The following P3H1 variants were observed in gnomAD, a reference collection of about 807,000 sequenced individuals.
The protein encoded by P3H1 is prolyl 3-hydroxylase 1, also known as growth suppressor 1.
Under a neutral mutation model 84.0 loss-of-function variants are expected in P3H1, and 69 were observed. That is an observed-to-expected ratio of 0.82 (90% CI 0.68 to 1.00). The LOEUF (loss-of-function observed/expected upper bound fraction) is 1.00, where lower values mean the gene tolerates loss of function less well. Among genes scored for constraint, P3H1 ranks in the 50% least tolerant of loss-of-function variants. The pLI, the probability that P3H1 is intolerant of heterozygous loss-of-function variation, is 0.00. For missense variants in P3H1, 878 were observed against 962.8 expected, an observed-to-expected ratio of 0.91 and a Z score of 1.17; for synonymous variants, 366 against 388.8, an observed-to-expected ratio of 0.94 and a Z score of 0.69.
Position 42,748,234 on chromosome 1 carries a change from T to G in P3H1, c.1804A>C (p.Lys602Gln), listed in dbSNP as rs1444916939. The G allele has an allele frequency of 6.2e-7, 1 of 1,613,838 alleles. No homozygotes were observed. Among genetic ancestry groups the G allele is most frequent in the African/African-American group, 1.3e-5 (1 of 74,894 alleles). ...ILNAETLVCV[K>Q]EPPAYTFRDY... is the part of the protein sequence containing the mutation. ...CGGAAGGTGTAGGCTGGGGGCTCTT[T>G]GACACACACGAGGGTCTCGGCATTC... Residue 602 changes from lysine (K) to glutamine (Q), a missense_variant, in exon 12 of 15, where the codon AAA becomes CAA. Coordinates refer to ENST00000296388, the MANE Select transcript of P3H1 (RefSeq NM_022356.4).
At chr1:42,755,454 T>C in intron 6 of P3H1, 94 bp downstream of exon 6, 1 of 1,204,260 alleles carries the variant, frequency 8.3e-7, no homozygotes, top group Non-Finnish European at 1.2e-6. Context: ...CCAGCAAGTT[T>C]TCTCTCAGAA....
intron 10 of P3H1, chr1:42,751,569 A>AAAT (rs1213242292): frequency 2.2e-5 from 2 of 90,018 alleles, no homozygotes; most frequent in African/African-American, 6.1e-5. Context: ...GATCAATAAA[A>AAAT]AAAAAATAAA....
At chr1:42,751,378 G>C (rs1325484846) in intron 10 of P3H1, among the ~76,000 whole-genome samples, 8 of 109,086 alleles carry the variant, frequency 7.3e-5, no homozygotes, top group Non-Finnish European at 1.3e-4. Context: ...CAGCATGCTC[G>C]TTAAGAGTCA....
chr1:42,752,147 A>T, intron 10 of P3H1, 127 bp downstream of exon 10: 1 of 799,478 alleles, frequency 1.3e-6, no homozygotes, highest in Non-Finnish European at 2.2e-6. Flanking sequence ...CTTCCTGGCA[A>T]CAAGAATGTT....
chr1:42,750,656 G>T (rs1300382334), intron 10 of P3H1, among the ~76,000 whole-genome samples: 1,554 of 122,794 alleles, frequency 0.013, 375 homozygotes, highest in Non-Finnish European at 0.016. Flanking sequence ...AGGCCGGGGG[G>T]GGTGGTCGGC....
At chr1:42,750,834 T>G (rs1391381271) in intron 10 of P3H1, among the ~76,000 whole-genome samples, 1 of 137,464 alleles carries the variant, frequency 7.3e-6, no homozygotes, top group Non-Finnish European at 1.6e-5. Context: ...GTCAGCCCCC[T>G]GCCCGGCCAG....
intron 14 of P3H1, 68 bp from the exon 15 acceptor site, chr1:42,746,920 T>A: frequency 6.2e-7 from 1 of 1,614,172 alleles, no homozygotes; most frequent in Non-Finnish European, 8.5e-7. Context: ...TCTCAGCTGC[T>A]ACTTCCCAGG....
Position 42,766,980 on chromosome 1 carries a change from C to T in P3H1, c.-9G>A, listed in dbSNP as rs1177078665. On this transcript the variant is annotated 5_prime_UTR_variant, in exon 1 of 15. Transcript: ENST00000296388. The stretch of plus-strand genomic sequence containing the variant: ...AACGCGCGTACCGCCATCGCTCCCT[C>T]AGACCTAACGGAACCGCCAGCCACC... 6 of 1,606,654 alleles carry T rather than the reference C, an allele frequency of 3.7e-6. No individual in the cohort carries two copies. Among genetic ancestry groups the T allele is most frequent in the Non-Finnish European group, 4.2e-6 (5 of 1,179,624 alleles).
chr1:42,763,817 T>C (rs189319374), intron 1 of P3H1, among the ~76,000 whole-genome samples: 254 of 151,744 alleles, frequency 1.7e-3, no homozygotes, highest in African/African-American at 5.9e-3. Flanking sequence ...TCACTGATGA[T>C]CTAGTAATTA....
At chr1:42,759,027 T>C (rs749190252) in intron 3 of P3H1, 44 bp from the exon 4 acceptor site, 4 of 1,612,686 alleles carry the variant, frequency 2.5e-6, no homozygotes, top group Admixed American at 1.7e-5. Flanking sequence ...GGTCACTCTT[T>C]AGAACTCAAA....
In P3H1 at chr1:42,748,182, C is replaced by T. The variant is rs1225663756; in HGVS notation, c.1838+18G>A. 3.1e-6 allele frequency: 5 copies of T among 1,589,944 alleles called. No homozygotes were observed. Among genetic ancestry groups the T allele is most frequent in the African/African-American group, 2.7e-5 (2 of 74,590 alleles). ...GGAGGGCACAGACCTCCTCACCCTG[C>T]ACCTGCCCCGCACTCACCTGTAGTC... is the stretch of plus-strand genomic sequence containing the variant. On this transcript the variant is annotated intron_variant, in intron 12 of 14. Transcript: ENST00000296388.
chr1:42,752,651 C>T lies in P3H1; in HGVS notation c.1359G>A (p.Leu453=). ...TCATGGTGAGACTGATGCCTTCATA[C>T]AGCAGGGGGCCACCTGCAAAGCAAT... ...SRLTREGGPL[L]YEGISLTMNS... Residue 453 remains leucine, a synonymous_variant, in exon 9 of 15, where the codon CTG becomes CTA. Coordinates refer to ENST00000296388, the MANE Select transcript of P3H1 (RefSeq NM_022356.4). 2 of 1,614,222 alleles carry T rather than the reference C, an allele frequency of 1.2e-6. No homozygotes were observed. Among genetic ancestry groups the T allele is most frequent in the South Asian group, 1.1e-5 (1 of 91,088 alleles).
Position 42,746,548 on chromosome 1 carries a change from C to T in P3H1, c.*149G>A. ...GTCATGTCCACTCCAAGAGCAGTAG[C>T]ACCATGTAGAAGGCTGTGAGCAGGG... On this transcript the variant is annotated 3_prime_UTR_variant, in exon 15 of 15. Transcript: ENST00000296388. The T allele has an allele frequency of 1.5e-6, 1 of 675,938 alleles. No homozygotes were observed. The allele number at this position is 675,938 out of a possible 1,614,324, so 41.9% of individuals were successfully genotyped here.
intron 2 of P3H1, chr1:42,760,528 G>A (rs1652652963): frequency 6.6e-6 from 1 of 151,844 alleles, no homozygotes; most frequent in Non-Finnish European, 1.5e-5. Context: ...TGTATTTTTA[G>A]TAGAGACAGG....
chr1:42,765,979 T>C (rs1652964579), intron 1 of P3H1, among the ~76,000 whole-genome samples: 1 of 149,862 alleles, frequency 6.7e-6, no homozygotes, highest in African/African-American at 2.5e-5. Context: ...CTCATTTTCT[T>C]TGTAAACCTG....
At chr1:42,766,015 CCG>C (rs148555652) in intron 1 of P3H1, among the ~76,000 whole-genome samples, 28,672 of 81,152 alleles carry the variant, frequency 0.35, 3,653 homozygotes, top group Middle Eastern at 0.43. Context: ...GGTCCCCCCC[CCG>C]CCCCCACACA....
Position 42,766,563 on chromosome 1 carries a change from C to G in P3H1, c.409G>C (p.Glu137Gln), listed in dbSNP as rs751921382. 1 of 1,612,050 alleles carries G rather than the reference C, an allele frequency of 6.2e-7. No individual in the cohort carries two copies. The highest frequency in any genetic ancestry group is 1.7e-5 in the Admixed American group (1 of 59,938). ...GGGCTCCGCTTGCGGAACTCCAGCT[C>G]CATCTCTTCGCTGAGCGAGTGGGCG... ...PAAHSLSEEM[E>Q]LEFRKRSPYN... The change falls in exon 1 of 15, where the codon GAG becomes CAG. Residue 137 changes from glutamate to glutamine, a missense_variant. Physicochemically the swap from Glu to Gln is conservative, Grantham distance 29 (BLOSUM62 2). Coordinates refer to ENST00000296388, the MANE Select transcript of P3H1 (RefSeq NM_022356.4).
intron 5 of P3H1, 73 bp from the exon 6 acceptor site, chr1:42,755,710 G>T: frequency 8.9e-7 from 1 of 1,121,692 alleles, no homozygotes; most frequent in South Asian, 1.3e-5. Flanking sequence ...TCCCCTCCCT[G>T]GCACCCCACA....
At chr1:42,750,806 C>G (rs1270126783) in intron 10 of P3H1, among the ~76,000 whole-genome samples, 1 of 148,110 alleles carries the variant, frequency 6.8e-6, no homozygotes, top group Non-Finnish European at 1.5e-5. Flanking sequence ...CCGCCCCGTC[C>G]GGGAGGGAGG....
Sources: allele counts gnomAD v4.1 joint callset (sites outside exome capture counted in the v4.1 genomes callset), GRCh38; gene constraint gnomAD v4.1.1; transcripts MANE v1.5; gene names NCBI Gene and HGNC (gene_info 2026-07-23, HGNC 2026-07-21).